DDC: variants seen among roughly 807,000 people sequenced by gnomAD.
DDC encodes the protein dopa decarboxylase.
Under a neutral mutation model 60.0 loss-of-function variants are expected in DDC, and 43 were observed. The observed-to-expected ratio is 0.72, with a 90% confidence interval of 0.56 to 0.92. The LOEUF is 0.92. Ranked by LOEUF, DDC falls within the 40% of genes least tolerant of loss-of-function variation. The pLI is 0.00. For synonymous variants in DDC, 232 were observed against 234.6 expected, an observed-to-expected ratio of 0.99 and a Z score of 0.10; for missense variants, 573 against 620.2, an observed-to-expected ratio of 0.92 and a Z score of 0.81.
chr7:50,496,044 A>T (rs1488863803), intron 8 of DDC, among the ~76,000 whole-genome samples: 22 of 151,910 alleles, frequency 1.4e-4, no homozygotes, highest in Non-Finnish European at 4.4e-5. Context: ...TTTTGCCAGC[A>T]TTGCTGTAAC....
At chr7:50,514,933 T>C (rs12718583) in intron 6 of DDC, among the ~76,000 whole-genome samples, 67,370 of 151,948 alleles carry the variant, frequency 0.44, 15,572 homozygotes, top group Non-Finnish European at 0.52. Flanking sequence ...ATGTTGAACC[T>C]AAGAATAATC....
rs11575311 is a variant in DDC at position 50,539,472 on chromosome 7, T to C, written c.315+443A>G. On this transcript the variant is annotated intron_variant, in intron 3 of 14. Coordinates refer to ENST00000444124, the MANE Select transcript of DDC (RefSeq NM_001082971.2). The stretch of plus-strand genomic sequence containing the variant: ...CAGAGACCCCCCTGCTCCAAGGCTC[T>C]GGACACATCTGATAGGCTGGTTGGA... Among the ~76,000 whole-genome samples, 31 of 152,238 alleles carry C rather than the reference T, an allele frequency of 2.0e-4. No individual in the cohort carries two copies. The South Asian group carries it at 5.0e-3, about 24-fold the overall frequency.
At chr7:50,514,624 C>T (rs963120424) in intron 6 of DDC, among the ~76,000 whole-genome samples, 4 of 152,098 alleles carry the variant, frequency 2.6e-5, no homozygotes, top group Non-Finnish European at 5.9e-5. Context: ...GAAATAGATG[C>T]ATAAAGAAAA....
intron 3 of DDC, among the ~76,000 whole-genome samples, chr7:50,538,717 G>A (rs1427235830): frequency 1.3e-5 from 2 of 152,244 alleles, no homozygotes; most frequent in Non-Finnish European, 2.9e-5. Flanking sequence ...AAGGCCTGAG[G>A]GCAATCAGAC....
chr7:50,508,793 G>A (rs2043470454), intron 6 of DDC, among the ~76,000 whole-genome samples: 1 of 152,182 alleles, frequency 6.6e-6, no homozygotes, highest in Non-Finnish European at 1.5e-5. Context: ...ACAAGGCTCA[G>A]GCTCCAACCC....
At chr7:50,496,395 C>A (rs2043128100) in intron 8 of DDC, among the ~76,000 whole-genome samples, 1 of 152,108 alleles carries the variant, frequency 6.6e-6, no homozygotes, top group Admixed American at 6.5e-5. Context: ...CGACCAGCTC[C>A]TTTATTTTTA....
At chr7:50,485,762 G>C (rs750070255) in intron 9 of DDC, among the ~76,000 whole-genome samples, 61 of 152,134 alleles carry the variant, frequency 4.0e-4, no homozygotes, top group African/African-American at 1.4e-3. Context: ...CATGATATCT[G>C]GACAGTGTGA....
chr7:50,524,385 G>A lies in DDC; in HGVS notation c.714+3752C>T, dbSNP rs560175348. Among the ~76,000 whole-genome samples, 48 of 152,288 alleles carry A rather than the reference G, an allele frequency of 3.2e-4. 1 individual carries two copies. In the Middle Eastern group the frequency reaches 0.01, roughly 32 times the overall value. The stretch of plus-strand genomic sequence containing the variant: ...GCAGGATGCTAATAATGGGGGAAAT[G>A]AAGGTTGGGATATAAGAAGGTATAT... On this transcript the variant is annotated intron_variant, in intron 6 of 14. Transcript: ENST00000444124.
chr7:50,459,878 G>A (rs1296432360), intron 14 of DDC, among the ~76,000 whole-genome samples: 2 of 142,114 alleles, frequency 1.4e-5, no homozygotes, highest in African/African-American at 2.8e-5. Flanking sequence ...CCGGGAGGGA[G>A]GTGGGGGGGT....
At chr7:50,562,382 C>T (rs1277671264) in intron 1 of DDC, among the ~76,000 whole-genome samples, 1 of 152,222 alleles carries the variant, frequency 6.6e-6, no homozygotes, top group Admixed American at 6.5e-5. Context: ...GGGAGCTGCC[C>T]AAGCGTCACC....
In DDC at chr7:50,540,506, AC is replaced by A. The variant is rs543674839; in HGVS notation, c.202-479del. On this transcript the variant is annotated intron_variant, in intron 2 of 14. Transcript: ENST00000444124. ...AACAAACAAACAAACAAAAAAAAAAACCAAGCTCTGGATTTTCGAGGTTTCT... is the reference window on the plus strand; with the variant it reads ...AACAAACAAACAAACAAAAAAAAAAACAAGCTCTGGATTTTCGAGGTTTCT... Among the ~76,000 whole-genome samples the A allele has an allele frequency of 4.3e-3, 637 of 146,746 alleles. 3 individuals are homozygous for A. Among genetic ancestry groups the A allele is most frequent in the African/African-American group, 0.015 (588 of 39,998 alleles).
chr7:50,532,190 A>G (rs960132468), intron 4 of DDC, among the ~76,000 whole-genome samples: 22 of 152,166 alleles, frequency 1.4e-4, no homozygotes, highest in African/African-American at 4.8e-5. Flanking sequence ...GGCCTCACCA[A>G]TTACAGACAA....
At chr7:50,489,593 A>T (rs1401470179) in intron 9 of DDC, among the ~76,000 whole-genome samples, 1 of 152,216 alleles carries the variant, frequency 6.6e-6, no homozygotes, top group Non-Finnish European at 1.5e-5. Context: ...AGAAGATGAC[A>T]ATCAAAATAA....
chr7:50,459,811 C>T (rs1455538602), intron 14 of DDC: 14 of 149,740 alleles, frequency 9.3e-5, no homozygotes, highest in Non-Finnish European at 3.0e-5. Context: ...CCAGGCCAGC[C>T]GCCCCGTCCG....
intron 4 of DDC, among the ~76,000 whole-genome samples, chr7:50,531,524 T>C (rs2044207017): frequency 6.6e-6 from 1 of 152,070 alleles, no homozygotes. Context: ...TCTAATGAAA[T>C]GAGTCACCAT....
rs769418550 is a variant in DDC at position 50,492,949 on chromosome 7, A to T, written c.944+2401T>A. 1.9e-6 allele frequency: 3 copies of T among 1,598,126 alleles called. No homozygotes were observed. The East Asian group carries it at 6.7e-5, about 36-fold the overall frequency. On this transcript the variant is annotated intron_variant, in intron 9 of 14. Transcript: ENST00000444124. Reference sequence around the variant, plus strand: ...CCGAAAGGCTCAACTCCTTCTCACCACCGCACTGACTAAGCAGGTTTTCTT... The same window carrying T: ...CCGAAAGGCTCAACTCCTTCTCACCTCCGCACTGACTAAGCAGGTTTTCTT...
In DDC at chr7:50,528,271, A is replaced by G. The variant is rs1554430383; in HGVS notation, c.580T>C (p.Ser194Pro). The G allele has an allele frequency of 6.2e-7, 1 of 1,614,056 alleles. No individual in the cohort carries two copies. Among genetic ancestry groups the G allele is most frequent in the Non-Finnish European group, 8.5e-7 (1 of 1,179,976 alleles). Residue 194 changes from serine (S) to proline (P), a missense_variant, in exon 6 of 15, where the codon TCA (serine) becomes CCA (proline). Coordinates refer to ENST00000444124, the MANE Select transcript of DDC (RefSeq NM_001082971.2). Reference sequence around the variant, plus strand: ...CCAATTAACCCAGCTCTTTCCACTGAGGAGTGTGCCTGGAAAGAAGACAGC... The same window carrying G: ...CCAATTAACCCAGCTCTTTCCACTGGGGAGTGTGCCTGGAAAGAAGACAGC... Reference protein sequence around the residue: ...VAYSSDQAHSSVERAGLIGGV... With the variant: ...VAYSSDQAHSPVERAGLIGGV...
At chr7:50,512,109 G>T (rs138525613) in intron 6 of DDC, among the ~76,000 whole-genome samples, 1,914 of 151,924 alleles carry the variant, frequency 0.013, 37 homozygotes, top group African/African-American at 0.044. Context: ...TGTCAGAATG[G>T]GTAAGAAAAC....
At chr7:50,460,218 C>G (rs1400645117) in intron 14 of DDC, among the ~76,000 whole-genome samples, 1 of 145,934 alleles carries the variant, frequency 6.9e-6, no homozygotes, top group Admixed American at 6.7e-5. Context: ...CCAGCCGCCC[C>G]GTCCGGGAGG....
Sources: allele counts gnomAD v4.1 joint callset (sites outside exome capture counted in the v4.1 genomes callset), GRCh38; gene constraint gnomAD v4.1.1; transcripts MANE v1.5; gene names NCBI Gene and HGNC (gene_info 2026-07-23, HGNC 2026-07-21).